Variants in FAM107B observed in about 807,000 individuals in gnomAD.
FAM107B encodes the protein protein FAM107B.
A neutral mutation model predicts 31.5 loss-of-function variants in FAM107B; 21 were observed. The ratio of observed to expected loss-of-function variants is 0.67; its 90% confidence interval spans 0.47 to 0.96. The LOEUF is 0.96. FAM107B is among the 40% of genes least tolerant of loss of function. FAM107B has a pLI of 0.00. For missense variants in FAM107B, 452 were observed against 377.1 expected, an observed-to-expected ratio of 1.20 and a Z score of -1.64; for synonymous variants, 157 against 141.5, an observed-to-expected ratio of 1.11 and a Z score of -0.78.
chr10:14,583,828 C>T (rs376358585), intron 2 of FAM107B, among the ~76,000 whole-genome samples: 21 of 152,140 alleles, frequency 1.4e-4, no homozygotes, highest in Non-Finnish European at 2.5e-4. Flanking sequence ...CCCTGTTGAG[C>T]GCTCTCCTAG....
intron 2 of FAM107B, among the ~76,000 whole-genome samples, chr10:14,608,154 G>A (rs1005351496): frequency 5.3e-5 from 8 of 152,186 alleles, no homozygotes; most frequent in Admixed American, 1.3e-4. Flanking sequence ...ATGCTGAAGA[G>A]CTCCAAAGAG....
intron 3 of FAM107B, among the ~76,000 whole-genome samples, chr10:14,522,944 T>C (rs1002603835): frequency 1.3e-5 from 2 of 152,162 alleles, no homozygotes; most frequent in African/African-American, 4.8e-5. Flanking sequence ...GTGTAGTTGA[T>C]TATTTACAAT....
intron 1 of FAM107B, among the ~76,000 whole-genome samples, chr10:14,751,017 G>C (rs1467843482): frequency 6.6e-6 from 1 of 152,182 alleles, no homozygotes; most frequent in Non-Finnish European, 1.5e-5. Context: ...GAGCAGACCT[G>C]CCCAAGGCAT....
intron 2 of FAM107B, among the ~76,000 whole-genome samples, chr10:14,640,185 G>C (rs958870337): frequency 6.6e-6 from 1 of 152,214 alleles, no homozygotes; most frequent in Non-Finnish European, 1.5e-5. Flanking sequence ...GAGGACTATA[G>C]ATGAAGGAAC....
intron 2 of FAM107B, among the ~76,000 whole-genome samples, chr10:14,600,894 G>A (rs1242009242): frequency 6.6e-6 from 1 of 152,130 alleles, no homozygotes; most frequent in East Asian, 1.9e-4. Context: ...ACCTGCCTCA[G>A]CCTCCTGAGT....
At chr10:14,717,086 T>C (rs1855797151) in intron 1 of FAM107B, among the ~76,000 whole-genome samples, 1 of 152,092 alleles carries the variant, frequency 6.6e-6, no homozygotes, top group Admixed American at 6.5e-5. Flanking sequence ...AGACTCTGTC[T>C]CAAAAATAAA....
chr10:14,620,635 A>G (rs1852985978), intron 2 of FAM107B, among the ~76,000 whole-genome samples: 2 of 152,088 alleles, frequency 1.3e-5, no homozygotes. Context: ...GCACCCATCA[A>G]CCCGTCAACT....
intron 2 of FAM107B, among the ~76,000 whole-genome samples, chr10:14,629,449 T>A (rs375068721): frequency 2.6e-4 from 5 of 18,984 alleles, no homozygotes; most frequent in Non-Finnish European, 4.4e-4. Flanking sequence ...ATATATATTA[T>A]ATATATATTA....
chr10:14,615,949 A>G (rs1228228349), intron 2 of FAM107B, among the ~76,000 whole-genome samples: 1 of 152,244 alleles, frequency 6.6e-6, no homozygotes, highest in African/African-American at 2.4e-5. Flanking sequence ...AAATTAAATT[A>G]AAAATAAATA....
intron 1 of FAM107B, among the ~76,000 whole-genome samples, chr10:14,696,815 G>T (rs1855277010): frequency 1.3e-5 from 2 of 152,138 alleles, no homozygotes; most frequent in African/African-American, 4.8e-5. Context: ...TGCAGAGAAG[G>T]GTGGGATGAG....
chr10:14,770,503 A>G (rs1241799587), intron 1 of FAM107B, among the ~76,000 whole-genome samples: 1 of 152,174 alleles, frequency 6.6e-6, no homozygotes, highest in African/African-American at 2.4e-5. Flanking sequence ...AGTCTGGGTG[A>G]TGGAGCAAGA....
Position 14,609,017 on chromosome 10 carries a change from A to T in FAM107B, c.469+58617T>A, listed in dbSNP as rs116030691. Among the ~76,000 whole-genome samples the T allele has an allele frequency of 2.0e-3, 306 of 152,380 alleles. 3 individuals are homozygous for T. Among genetic ancestry groups the T allele is most frequent in the African/African-American group, 7.1e-3 (294 of 41,592 alleles). ...TTCAACATAAAACCCACAAAGACAG[A>T]TACAATACATTGGTATTGGCCTCAT... On this transcript the variant is annotated intron_variant, in intron 2 of 4. Transcript: ENST00000181796.
At chr10:14,720,589 G>T (rs555346905) in intron 1 of FAM107B, among the ~76,000 whole-genome samples, 1 of 152,260 alleles carries the variant, frequency 6.6e-6, no homozygotes, top group South Asian at 2.1e-4. Context: ...TTTAAAAGTT[G>T]TAGGGCTTTA....
intron 1 of FAM107B, among the ~76,000 whole-genome samples, chr10:14,767,278 G>A (rs1289994158): frequency 6.6e-6 from 1 of 150,824 alleles, no homozygotes. Context: ...TTTTAGTAGA[G>A]ACAGGGTTTC....
intron 1 of FAM107B, among the ~76,000 whole-genome samples, chr10:14,691,109 C>T (rs1855123310): frequency 6.6e-6 from 1 of 151,904 alleles, no homozygotes; most frequent in South Asian, 2.1e-4. Context: ...TATCATAGTT[C>T]ACTGCAGCCT....
intron 1 of FAM107B, among the ~76,000 whole-genome samples, chr10:14,759,222 A>AAATG (rs1832993420): frequency 1.3e-5 from 2 of 151,558 alleles, no homozygotes; most frequent in African/African-American, 4.9e-5. Flanking sequence ...ATAAATAAAT[A>AAATG]AAAAGCAGCA....
chr10:14,642,476 C>A (rs2131433962), intron 2 of FAM107B, among the ~76,000 whole-genome samples: 1 of 152,332 alleles, frequency 6.6e-6, no homozygotes, highest in Non-Finnish European at 1.5e-5. Context: ...TCTACTTTCT[C>A]ATCTAGTGAA....
chr10:14,687,663 G>T (rs1284093747), intron 1 of FAM107B, among the ~76,000 whole-genome samples: 5 of 152,090 alleles, frequency 3.3e-5, no homozygotes, highest in African/African-American at 9.7e-5. Context: ...GGGAGGGGCA[G>T]ATTATAATGA....
At chr10:14,606,233 G>T (rs929504814) in intron 2 of FAM107B, among the ~76,000 whole-genome samples, 1 of 151,966 alleles carries the variant, frequency 6.6e-6, no homozygotes, top group African/African-American at 2.4e-5. Context: ...CTCTTCCACG[G>T]GCTTCCCCTC....
Sources: allele counts gnomAD v4.1 joint callset (sites outside exome capture counted in the v4.1 genomes callset), GRCh38; gene constraint gnomAD v4.1.1; transcripts MANE v1.5; gene names NCBI Gene and HGNC (gene_info 2026-07-23, HGNC 2026-07-21).